ENTPD5: variants seen among roughly 807,000 people sequenced by gnomAD.
ENTPD5 encodes ectonucleoside triphosphate diphosphohydrolase 5 (inactive), also known as nucleoside diphosphate phosphatase ENTPD5.
ENTPD5 carries 49 observed loss-of-function variants against 60.2 expected under a neutral mutation model. That is an observed-to-expected ratio of 0.81 (90% CI 0.65 to 1.03). The LOEUF (loss-of-function observed/expected upper bound fraction) is 1.03. Among genes scored for constraint, ENTPD5 ranks in the 50% least tolerant of loss-of-function variants. ENTPD5 has a pLI of 0.00. For synonymous variants in ENTPD5, 187 were observed against 185.4 expected, an observed-to-expected ratio of 1.01 and a Z score of -0.07; for missense variants, 480 against 507.6, an observed-to-expected ratio of 0.95 and a Z score of 0.52.
At chr14:74,018,149 C>T (rs1030265166) in intron 1 of ENTPD5, among the ~76,000 whole-genome samples, 8 of 151,336 alleles carry the variant, frequency 5.3e-5, no homozygotes, top group African/African-American at 1.9e-4. Context: ...CCACTGCACT[C>T]CAGCCTGGGT....
downstream of ENTPD5, among the ~76,000 whole-genome samples, chr14:73,962,360 C>T (rs550575621): frequency 3.0e-4 from 45 of 152,080 alleles, no homozygotes; most frequent in Non-Finnish European, 2.9e-4. Flanking sequence ...TTAGGTGTTA[C>T]GGCCCACATC....
At chr14:73,960,834 G>A (rs761489552), downstream of ENTPD5, 17 of 405,012 alleles carry the variant, frequency 4.2e-5, no homozygotes, top group African/African-American at 1.2e-4. Context: ...AAATAGAGAC[G>A]GGCATTCTAA....
At chr14:73,988,796 T>C (rs1263585169) in intron 3 of ENTPD5, among the ~76,000 whole-genome samples, 1 of 152,134 alleles carries the variant, frequency 6.6e-6, no homozygotes, top group Non-Finnish European at 1.5e-5. Flanking sequence ...CCTGGCGTGT[T>C]TCACTTAACA....
chr14:73,983,000 T>G lies in ENTPD5; in HGVS notation c.441+18A>C. 6.2e-7 allele frequency: 1 copy of G among 1,609,838 alleles called. No homozygotes were observed. On this transcript the variant is annotated intron_variant, in intron 6 of 15. Transcript: ENST00000334696. Reference sequence around the variant, plus strand: ...GGGAAAAGGGCAGAATGATCCAAGATGCAGTTTTAAAACTTACCTCAAAGA... The same window carrying G: ...GGGAAAAGGGCAGAATGATCCAAGAGGCAGTTTTAAAACTTACCTCAAAGA...
intron 15 of ENTPD5, among the ~76,000 whole-genome samples, chr14:73,969,704 C>CAAA (rs200213226): frequency 0.013 from 1,635 of 122,640 alleles, 24 homozygotes; most frequent in African/African-American, 0.042. Context: ...GACTCCATCT[C>CAAA]AAAAAAATAA....
intron 4 of ENTPD5, chr14:73,987,229 C>A: frequency 2.9e-6 from 2 of 685,924 alleles, no homozygotes; most frequent in South Asian, 1.6e-5. Context: ...GTGAAATTCT[C>A]ATGTGATCCT....
In ENTPD5 at chr14:73,964,900, G is replaced by A. The variant is rs1218192261; in HGVS notation, c.*2028C>T. On this transcript the variant is annotated 3_prime_UTR_variant, in exon 16 of 16. Coordinates refer to ENST00000334696, the MANE Select transcript of ENTPD5 (RefSeq NM_001249.5). Reference sequence around the variant, plus strand: ...AGTGCAGTTCCAAATGGAATAAGCTGTTTGAACATGGCTTAGCAGAAGCTG... The same window carrying A: ...AGTGCAGTTCCAAATGGAATAAGCTATTTGAACATGGCTTAGCAGAAGCTG... 6.6e-6 allele frequency: 1 copy of A among 152,238 alleles called. No homozygotes were observed. The highest frequency in any genetic ancestry group is 1.5e-5 in the Non-Finnish European group (1 of 68,044). The allele number at this position is 152,238 out of a possible 1,614,324, so 9.4% of individuals were successfully genotyped here.
At chr14:73,963,080 T>C, downstream of ENTPD5, 1 of 1,154,930 alleles carries the variant, frequency 8.7e-7, no homozygotes, top group Non-Finnish European at 1.3e-6. Context: ...TTCAAGATCT[T>C]ATTTAATTTA....
At chr14:73,961,499 A>G (rs753489572), downstream of ENTPD5, 16 of 1,614,112 alleles carry the variant, frequency 9.9e-6, no homozygotes, top group African/African-American at 8.0e-5. Context: ...CAGGGTGTCA[A>G]CATGGGCTTT....
At chr14:74,010,526 C>T (rs1422597696) in intron 3 of ENTPD5, among the ~76,000 whole-genome samples, 1 of 151,908 alleles carries the variant, frequency 6.6e-6, no homozygotes, top group Non-Finnish European at 1.5e-5. Context: ...TGCACTCCAG[C>T]CTGGGCAACA....
Position 73,986,622 on chromosome 14 carries a change from C to T in ENTPD5, c.297+192G>A, listed in dbSNP as rs187789709. The T allele has an allele frequency of 3.2e-5, 18 of 569,964 alleles. No individual in the cohort carries two copies. In the South Asian group the frequency reaches 3.7e-4, roughly 12 times the overall value. The allele number at this position is 569,964 out of a possible 1,614,324, so 35.3% of individuals were successfully genotyped here. On this transcript the variant is annotated intron_variant, in intron 5 of 15. Transcript: ENST00000334696. ...TGCATTACCACAACCAATTTTCTAG[C>T]CTTCTTCCACCCAGCCCTCATGAGC...
chr14:73,970,510 GAGA>G (rs1234037156), intron 14 of ENTPD5, among the ~76,000 whole-genome samples: 2 of 151,986 alleles, frequency 1.3e-5, no homozygotes, highest in Non-Finnish European at 2.9e-5. Context: ...AAGGTAGGGG[GAGA>G]AGAAGAATAA....
chr14:73,973,299 T>C lies in ENTPD5; in HGVS notation c.887-275A>G, dbSNP rs17094445. Reference sequence around the variant, plus strand: ...TGCCTAGCATTACATTCCATAGCATTTGTAAGCAAGTAGCTAAAGGGCTCG... The same window carrying C: ...TGCCTAGCATTACATTCCATAGCATCTGTAAGCAAGTAGCTAAAGGGCTCG... On this transcript the variant is annotated intron_variant, in intron 12 of 15. Coordinates refer to ENST00000334696, the MANE Select transcript of ENTPD5 (RefSeq NM_001249.5). 0.025 allele frequency among the ~76,000 whole-genome samples: 3,835 copies of C among 152,328 alleles called. 150 individuals are homozygous for C. Among genetic ancestry groups the C allele is most frequent in the African/African-American group, 0.087 (3,630 of 41,578 alleles).
chr14:74,009,031 T>C (rs2058764209), intron 3 of ENTPD5: 1 of 152,226 alleles, frequency 6.6e-6, no homozygotes, highest in African/African-American at 2.4e-5. Flanking sequence ...ATGAACTCAT[T>C]TGGGTGTAAT....
rs150105049 is a variant in ENTPD5 at position 73,997,668 on chromosome 14, G to A, written c.-70-9496C>T. Among the ~76,000 whole-genome samples, 7 of 152,274 alleles carry A rather than the reference G, an allele frequency of 4.6e-5. No individual in the cohort carries two copies. In the East Asian group the frequency reaches 1.2e-3, roughly 25 times the overall value. ...TAATAAGCTAAGTTCAGGACAGGCT[G>A]CAGCAAAGTGAGCAATGCCTTATTT... On this transcript the variant is annotated intron_variant, in intron 3 of 15. Coordinates refer to ENST00000334696, the MANE Select transcript of ENTPD5 (RefSeq NM_001249.5).
chr14:73,961,935 A>G, downstream of ENTPD5: 4 of 1,612,384 alleles, frequency 2.5e-6, no homozygotes, highest in Non-Finnish European at 3.4e-6. Context: ...TGACTTTGCA[A>G]ACAGCTCTTA....
chr14:73,960,843 AAGC>A, downstream of ENTPD5: 1 of 421,398 alleles, frequency 2.4e-6, no homozygotes, highest in Non-Finnish European at 4.4e-6. Context: ...CGGGCATTCT[AAGC>A]AGAGGAGAGT....
rs943576761 is a variant in ENTPD5 at position 73,964,577 on chromosome 14, T to C, written c.*2351A>G. 1.5e-4 allele frequency: 23 copies of C among 152,236 alleles called. No individual in the cohort carries two copies. The highest frequency in any genetic ancestry group is 3.9e-4 in the African/African-American group (16 of 41,464). The allele number at this position is 152,236 out of a possible 1,614,324, so 9.4% of individuals were successfully genotyped here. On this transcript the variant is annotated 3_prime_UTR_variant, in exon 16 of 16. Transcript: ENST00000334696. ...ACAGTGATTAAAGACCAGAGACTTA[T>C]ATCTCTGCATTTGTCAAGCTGGAAC...
At chr14:73,976,994 G>C in intron 8 of ENTPD5, 30 bp downstream of exon 8, 3 of 1,578,712 alleles carry the variant, frequency 1.9e-6, no homozygotes, top group Non-Finnish European at 2.6e-6. Context: ...AGCTAGTTAA[G>C]CTCTAAAGAT....
Sources: allele counts gnomAD v4.1 joint callset (sites outside exome capture counted in the v4.1 genomes callset), GRCh38; gene constraint gnomAD v4.1.1; transcripts MANE v1.5; gene names NCBI Gene and HGNC (gene_info 2026-07-23, HGNC 2026-07-21).